Variants in POLN observed in about 807,000 individuals in gnomAD.
POLN encodes DNA polymerase N.
POLN carries 108 observed loss-of-function variants against 113.5 expected under a neutral mutation model. The ratio of observed to expected loss-of-function variants is 0.95; its 90% CI spans 0.81 to 1.12. The LOEUF (loss-of-function observed/expected upper bound fraction) is 1.12, where lower values mean the gene tolerates loss of function less well. POLN is among the 50% of genes most tolerant of loss of function. The pLI, the probability that POLN is intolerant of heterozygous loss-of-function variation, is 0.00. For missense variants in POLN, 1,097 were observed against 1,077.1 expected (o/e 1.02, Z -0.26); for synonymous variants, 386 against 391.5 (o/e 0.99, Z 0.17).
chr4:2,237,548 A>C (rs925721913), intron 2 of POLN, among the ~76,000 whole-genome samples: 7 of 152,094 alleles, frequency 4.6e-5, no homozygotes, highest in African/African-American at 1.7e-4. Context: ...AAAAACAAGC[A>C]AGCAAGCAAG....
At chr4:2,129,989 C>T (rs897944003) in intron 17 of POLN, among the ~76,000 whole-genome samples, 13 of 151,730 alleles carry the variant, frequency 8.6e-5, no homozygotes, top group African/African-American at 1.7e-4. Flanking sequence ...AGCACTGGCT[C>T]ACACCTGTAA....
At chr4:2,240,948 G>A in intron 2 of POLN, 6 of 1,583,444 alleles carry the variant, frequency 3.8e-6, no homozygotes, top group Admixed American at 1.9e-5. Flanking sequence ...ACAACTCATG[G>A]TTTTAACTAC....
chr4:2,198,332 T>C (rs577704182), intron 6 of POLN, among the ~76,000 whole-genome samples, 192 bp downstream of exon 6: 3 of 152,290 alleles, frequency 2.0e-5, no homozygotes, highest in Admixed American at 6.5e-5. Context: ...CGGAACTCCA[T>C]TCCAGATACT....
chr4:2,123,020 T>C (rs1731486906), intron 19 of POLN, among the ~76,000 whole-genome samples: 1 of 151,346 alleles, frequency 6.6e-6, no homozygotes, highest in African/African-American at 2.4e-5. Context: ...TAGCCAGGCA[T>C]GCTGGCATGT....
At chr4:2,180,801 C>T (rs1733121214) in intron 7 of POLN, among the ~76,000 whole-genome samples, 1 of 152,278 alleles carries the variant, frequency 6.6e-6, no homozygotes, top group Non-Finnish European at 1.5e-5. Context: ...TTGCAACTGA[C>T]AAACTGAAGC....
rs532430680 is a variant in POLN at position 2,228,994 on chromosome 4, G to A, written c.133+105C>T. 528 of 1,139,174 alleles carry A rather than the reference G, an allele frequency of 4.6e-4. 4 individuals are homozygous for A. In the South Asian group the frequency reaches 8.1e-3, roughly 17 times the overall value. The allele number at this position is 1,139,174 out of a possible 1,614,324, so 70.6% of individuals were successfully genotyped here. On this transcript the variant is annotated intron_variant, in intron 3 of 25. Coordinates refer to ENST00000511885, the MANE Select transcript of POLN (RefSeq NM_181808.4). ...CTGAATGAGTGTAAAAGGGGCGGGA[G>A]CTGGGCTTCATCTGTCTACATGCAT...
chr4:2,157,002 C>G, intron 15 of POLN, 149 bp from the exon 16 acceptor site: 1 of 665,128 alleles, frequency 1.5e-6, no homozygotes, highest in Non-Finnish European at 2.6e-6. Flanking sequence ...CCTGAAATGT[C>G]CTTGGGGTTA....
At chr4:2,080,891 C>A in intron 23 of POLN, 67 bp downstream of exon 23, 1 of 1,610,774 alleles carries the variant, frequency 6.2e-7, no homozygotes, top group Non-Finnish European at 8.5e-7. Flanking sequence ...ATCACGAGCC[C>A]CGAGGGGGTC....
chr4:2,187,977 G>C (rs1280432958), intron 7 of POLN, among the ~76,000 whole-genome samples: 1 of 152,122 alleles, frequency 6.6e-6, no homozygotes, highest in Admixed American at 6.5e-5. Flanking sequence ...TTATCTGGGT[G>C]TGGTAGAACA....
intron 20 of POLN, among the ~76,000 whole-genome samples, chr4:2,091,681 A>G (rs1730665561): frequency 6.6e-6 from 1 of 151,868 alleles, no homozygotes; most frequent in East Asian, 1.9e-4. Context: ...TAAGTACTCC[A>G]TACCTCTGAA....
intron 6 of POLN, among the ~76,000 whole-genome samples, chr4:2,196,226 T>C (rs935836045): frequency 6.6e-6 from 1 of 152,208 alleles, no homozygotes; most frequent in African/African-American, 2.4e-5. Flanking sequence ...AAACTCAAAT[T>C]TAGTGTCCTA....
intron 16 of POLN, among the ~76,000 whole-genome samples, chr4:2,142,417 T>C (rs976774166): frequency 9.2e-5 from 14 of 152,248 alleles, no homozygotes; most frequent in Non-Finnish European, 2.1e-4. Context: ...TTTTGTTCGA[T>C]TAAAGCTGCC....
intron 16 of POLN, among the ~76,000 whole-genome samples, chr4:2,154,198 CAAAAAAAAAA>C (rs58879582): frequency 9.4e-5 from 6 of 63,908 alleles, no homozygotes; most frequent in African/African-American, 3.9e-4. Flanking sequence ...TCCATCTCAA[CAAAAAAAAAA>C]AAAAAAAAAA....
chr4:2,227,726 G>A (rs904941744), intron 3 of POLN: 3 of 152,156 alleles, frequency 2.0e-5, no homozygotes, highest in African/African-American at 4.8e-5. Context: ...CATTAACAAT[G>A]TATTTTAGAA....
chr4:2,193,995 T>C (rs927586899), intron 6 of POLN, among the ~76,000 whole-genome samples: 2 of 152,198 alleles, frequency 1.3e-5, no homozygotes, highest in African/African-American at 4.8e-5. Context: ...GGACTCACAA[T>C]TGTTAAAATT....
intron 20 of POLN, among the ~76,000 whole-genome samples, chr4:2,094,359 T>G (rs1730733592): frequency 5.9e-3 from 1 of 170 alleles, no homozygotes; most frequent in Admixed American, 0.05. Flanking sequence ...CAAGGTTCTG[T>G]CTCCAAAAAA....
intron 14 of POLN, among the ~76,000 whole-genome samples, chr4:2,158,185 C>T (rs990311901): frequency 6.6e-6 from 1 of 152,170 alleles, no homozygotes; most frequent in Non-Finnish European, 1.5e-5. Context: ...CCTCTGACCT[C>T]AGGTGATCCG....
At chr4:2,089,431 A>G in intron 20 of POLN, 2 of 1,403,784 alleles carry the variant, frequency 1.4e-6, no homozygotes, top group Middle Eastern at 1.8e-4. Flanking sequence ...AAGGTCAGAC[A>G]AAGTAAAGCA....
intron 3 of POLN, among the ~76,000 whole-genome samples, chr4:2,220,853 T>G (rs1025356742): frequency 2.0e-5 from 3 of 152,188 alleles, no homozygotes; most frequent in Non-Finnish European, 4.4e-5. Context: ...ACAAAACATT[T>G]ATGAATCTTT....
Sources: gnomAD v4.1 joint callset for allele counts (sites outside exome capture counted in the v4.1 genomes callset) on GRCh38, gnomAD v4.1.1 for gene constraint, MANE v1.5 for transcripts, NCBI Gene and HGNC (gene_info 2026-07-23, HGNC 2026-07-21) for gene names.